Variants in SHISA9 observed in about 807,000 individuals in gnomAD.
SHISA9 encodes shisa family member 9, also known as protein shisa-9.
SHISA9 carries 13 observed loss-of-function variants against 38.0 expected under a neutral mutation model. That is an observed-to-expected ratio of 0.34 (90% confidence interval 0.22 to 0.54). The LOEUF (loss-of-function observed/expected upper bound fraction) is 0.54. SHISA9 is among the 20% of genes least tolerant of loss of function. SHISA9 has a pLI of 0.91. For synonymous variants in SHISA9, 275 were observed against 242.0 expected (o/e 1.14, Z -1.27); for missense variants, 538 against 575.8 (o/e 0.93, Z 0.67).
chr16:13,056,319 T>C (rs369608591), intron 2 of SHISA9, among the ~76,000 whole-genome samples: 31 of 152,236 alleles, frequency 2.0e-4, no homozygotes, highest in South Asian at 6.2e-4. Flanking sequence ...TTTTACAGGG[T>C]GGAGGCAAAC....
intron 2 of SHISA9, among the ~76,000 whole-genome samples, chr16:13,193,557 G>A (rs2050907807): frequency 6.6e-6 from 1 of 152,100 alleles, no homozygotes; most frequent in Non-Finnish European, 1.5e-5. Context: ...TGTTGGTCAG[G>A]CTGGTCTCGA....
chr16:13,199,261 C>G (rs1340625814), intron 2 of SHISA9, among the ~76,000 whole-genome samples: 1 of 152,136 alleles, frequency 6.6e-6, no homozygotes, highest in Non-Finnish European at 1.5e-5. Context: ...GATGTATTTC[C>G]AGGGGTAGGG....
the SHISA9 span, among the ~76,000 whole-genome samples, chr16:13,363,357 G>T: frequency 6.6e-6 from 1 of 152,192 alleles, no homozygotes; most frequent in East Asian, 1.9e-4. Context: ...TATTCCAGGT[G>T]CTTGGCACAA....
downstream of SHISA9, among the ~76,000 whole-genome samples, chr16:13,243,769 GTTTTTTT>G (rs34605909): frequency 8.9e-5 from 8 of 89,824 alleles, no homozygotes; most frequent in African/African-American, 2.3e-4. Context: ...TTACAGCAGC[GTTTTTTT>G]TTTTTTTTTT....
chr16:13,201,073 C>G lies in SHISA9; in HGVS notation c.692-2321C>G, dbSNP rs768640492. 1.6e-4 allele frequency among the ~76,000 whole-genome samples: 21 copies of G among 135,204 alleles called. 5 individuals carry two copies. The highest frequency in any genetic ancestry group is 2.4e-4 in the Non-Finnish European group (15 of 62,012). The allele number at this position is 135,204 out of a possible 152,430, so 88.7% of individuals were successfully genotyped here. Reference sequence around the variant, plus strand: ...AAGCAGTGTAGGAAAGGTTAGGGAGCCACACAAAAATGGGGCTCCAAGTAA... The same window carrying G: ...AAGCAGTGTAGGAAAGGTTAGGGAGGCACACAAAAATGGGGCTCCAAGTAA... On this transcript the variant is annotated intron_variant, in intron 2 of 4. Transcript: ENST00000558583.
Position 13,002,969 on chromosome 16 carries a change from A to G in SHISA9, c.691+86154A>G, listed in dbSNP as rs187394009. 6.6e-5 allele frequency among the ~76,000 whole-genome samples: 10 copies of G among 152,312 alleles called. 1 individual carries two copies. The South Asian group carries it at 1.7e-3, about 25-fold the overall frequency. ...ATCTAAGAGGGACACGAGGTTGAAC[A>G]TTAGAGATGGGAAGGCCATCAAAAA... On this transcript the variant is annotated intron_variant, in intron 2 of 4. Transcript: ENST00000558583.
At chr16:13,211,915 G>C (rs752193868) in intron 3 of SHISA9, among the ~76,000 whole-genome samples, 1 of 152,152 alleles carries the variant, frequency 6.6e-6, no homozygotes, top group African/African-American at 2.4e-5. Context: ...GATGACCCTG[G>C]CTATGGGGGA....
At chr16:13,260,941 C>A in the SHISA9 span, among the ~76,000 whole-genome samples, 1 of 152,142 alleles carries the variant, frequency 6.6e-6, no homozygotes, top group African/African-American at 2.4e-5. Flanking sequence ...AAAGGCACTT[C>A]TTACATGGTG....
the SHISA9 span, among the ~76,000 whole-genome samples, chr16:13,373,026 C>G: frequency 2.0e-5 from 3 of 152,072 alleles, no homozygotes; most frequent in Non-Finnish European, 4.4e-5. Context: ...ATTCTTGCCC[C>G]CCTTGGAGGC....
At chr16:13,260,007 C>CTTTCTTTTTTTTT in the SHISA9 span, among the ~76,000 whole-genome samples, 17 of 60,446 alleles carry the variant, frequency 2.8e-4, no homozygotes, top group Non-Finnish European at 3.5e-4. Flanking sequence ...TTCTTTCTTT[C>CTTTCTTTTTTTTT]TTTTTTTTTT....
At chr16:13,019,658 A>G (rs368816261) in intron 2 of SHISA9, among the ~76,000 whole-genome samples, 1 of 152,114 alleles carries the variant, frequency 6.6e-6, no homozygotes, top group African/African-American at 2.4e-5. Context: ...GGTTTGGTAC[A>G]TAGGTAAACT....
At chr16:13,283,394 C>T in the SHISA9 span, among the ~76,000 whole-genome samples, 1 of 152,066 alleles carries the variant, frequency 6.6e-6, no homozygotes, top group Non-Finnish European at 1.5e-5. Context: ...TAAAGACATA[C>T]CCAAGACTGC....
chr16:13,360,565 C>G, the SHISA9 span, among the ~76,000 whole-genome samples: 3 of 152,182 alleles, frequency 2.0e-5, no homozygotes, highest in Non-Finnish European at 2.9e-5. Flanking sequence ...GTTTGCTTCC[C>G]CTTCCGCCAT....
the SHISA9 span, among the ~76,000 whole-genome samples, chr16:13,423,184 G>A: frequency 1.3e-5 from 2 of 152,190 alleles, no homozygotes; most frequent in Non-Finnish European, 2.9e-5. Flanking sequence ...AGCCCCAGAG[G>A]TCAGATATCT....
chr16:13,466,532 G>T, the SHISA9 span, among the ~76,000 whole-genome samples: 2 of 152,176 alleles, frequency 1.3e-5, no homozygotes, highest in Non-Finnish European at 2.9e-5. Context: ...GTTGCTTATT[G>T]AGGGCAAAGG....
chr16:13,027,561 T>C (rs1000396768), intron 2 of SHISA9, among the ~76,000 whole-genome samples: 1 of 152,058 alleles, frequency 6.6e-6, no homozygotes, highest in Non-Finnish European at 1.5e-5. Flanking sequence ...AATGGGAGAA[T>C]GAATAAACAA....
At chr16:13,106,855 G>T (rs545970389) in intron 2 of SHISA9, among the ~76,000 whole-genome samples, 1 of 152,182 alleles carries the variant, frequency 6.6e-6, no homozygotes. Flanking sequence ...GAATGAAGCC[G>T]TCCCAGAGGA....
At chr16:13,190,053 C>G (rs1408780530) in intron 2 of SHISA9, among the ~76,000 whole-genome samples, 1 of 150,106 alleles carries the variant, frequency 6.7e-6, no homozygotes, top group Non-Finnish European at 1.5e-5. Flanking sequence ...GATGAAGTGG[C>G]TGCTGTGGGC....
At chr16:13,518,714 T>C in the SHISA9 span, among the ~76,000 whole-genome samples, 1 of 152,240 alleles carries the variant, frequency 6.6e-6, no homozygotes, top group Non-Finnish European at 1.5e-5. Context: ...TAAAGATGTA[T>C]TGAAATAATA....
Sources: allele counts gnomAD v4.1 joint callset (sites outside exome capture counted in the v4.1 genomes callset), GRCh38; gene constraint gnomAD v4.1.1; transcripts MANE v1.5; gene names NCBI Gene and HGNC (gene_info 2026-07-23, HGNC 2026-07-21).